Variants in RIGI observed in about 807,000 individuals in gnomAD.
RIGI encodes RNA sensor RIG-I, also known as antiviral innate immune response receptor RIG-I.
chr9:32,479,836 CA>C, the RIGI span, among the ~76,000 whole-genome samples: 18,174 of 111,540 alleles, frequency 0.16, 1,120 homozygotes, highest in Middle Eastern at 0.34. Flanking sequence ...GACTCCATCT[CA>C]AAAAAAAAAA....
the RIGI span, among the ~76,000 whole-genome samples, chr9:32,511,928 T>A: frequency 6.6e-5 from 10 of 152,088 alleles, no homozygotes; most frequent in African/African-American, 2.4e-4. Context: ...AAATACAAAC[T>A]ACCATCACAG....
At chr9:32,482,807 C>T in the RIGI span, among the ~76,000 whole-genome samples, 26 of 151,766 alleles carry the variant, frequency 1.7e-4, no homozygotes, top group African/African-American at 5.3e-4. Context: ...TGCAGTGAAC[C>T]GAGATCACGT....
At chr9:32,495,135 T>C in the RIGI span, among the ~76,000 whole-genome samples, 12 of 152,210 alleles carry the variant, frequency 7.9e-5, no homozygotes, top group Non-Finnish European at 1.6e-4. Flanking sequence ...CATTTTACAA[T>C]CCTACCAATC....
At chr9:32,460,320 T>G in the RIGI span, among the ~76,000 whole-genome samples, 1 of 152,184 alleles carries the variant, frequency 6.6e-6, no homozygotes, top group South Asian at 2.1e-4. Flanking sequence ...AAAACCTTTT[T>G]TCTCTCTCCC....
At chr9:32,458,804 C>G in the RIGI span, among the ~76,000 whole-genome samples, 1 of 151,976 alleles carries the variant, frequency 6.6e-6, no homozygotes, top group Non-Finnish European at 1.5e-5. Flanking sequence ...ATTATCTAAA[C>G]TACAGATTTT....
chr9:32,473,197 G>GA, the RIGI span: 3 of 429,964 alleles, frequency 7.0e-6, no homozygotes, highest in Non-Finnish European at 1.2e-5. Flanking sequence ...ACAAACCTGA[G>GA]AAAAAAAGCA....
the RIGI span, chr9:32,488,748 G>A: frequency 6.2e-7 from 1 of 1,608,612 alleles, no homozygotes; most frequent in South Asian, 1.1e-5. Flanking sequence ...GTCTTTCAAA[G>A]TATTTTGAGA....
chr9:32,478,040 G>A, the RIGI span, among the ~76,000 whole-genome samples: 20 of 151,740 alleles, frequency 1.3e-4, no homozygotes, highest in African/African-American at 4.1e-4. Context: ...CTGTTTTATC[G>A]GTTTTTGTTT....
chr9:32,480,394 C>CT, the RIGI span: 1 of 1,529,216 alleles, frequency 6.5e-7, no homozygotes, highest in South Asian at 1.3e-5. Flanking sequence ...CTTCCAATGT[C>CT]TAACACATTC....
chr9:32,486,135 G>A, the RIGI span, among the ~76,000 whole-genome samples: 129 of 152,258 alleles, frequency 8.5e-4, 2 homozygotes, highest in African/African-American at 3.0e-3. Context: ...CTAACTAACC[G>A]TAGCAGTTCT....
chr9:32,518,448 T>G, the RIGI span, among the ~76,000 whole-genome samples: 1 of 151,620 alleles, frequency 6.6e-6, no homozygotes, highest in East Asian at 1.9e-4. Context: ...TCTAAGCATA[T>G]CATAGATGGT....
the RIGI span, among the ~76,000 whole-genome samples, chr9:32,509,930 T>C: frequency 6.6e-6 from 1 of 151,750 alleles, no homozygotes; most frequent in East Asian, 1.9e-4. Context: ...CACGAGAACT[T>C]TGTGAAGCAT....
chr9:32,505,504 C>CTG, the RIGI span, among the ~76,000 whole-genome samples: 3 of 152,180 alleles, frequency 2.0e-5, no homozygotes, highest in African/African-American at 7.2e-5. Flanking sequence ...CTTCCTCACT[C>CTG]AAATCAGAGA....
chr9:32,486,917 C>T, the RIGI span, among the ~76,000 whole-genome samples: 4 of 152,200 alleles, frequency 2.6e-5, no homozygotes, highest in African/African-American at 4.8e-5. Context: ...GAAATACAGT[C>T]ACATACTACT....
chr9:32,516,963 G>A, the RIGI span, among the ~76,000 whole-genome samples: 1 of 152,182 alleles, frequency 6.6e-6, no homozygotes, highest in Non-Finnish European at 1.5e-5. Flanking sequence ...GATTGTATGT[G>A]TCAATATAGT....
At chr9:32,512,843 C>T in the RIGI span, among the ~76,000 whole-genome samples, 1 of 152,012 alleles carries the variant, frequency 6.6e-6, no homozygotes, top group South Asian at 2.1e-4. Flanking sequence ...CCCAAAATCT[C>T]CTTAAGCTGA....
chr9:32,481,033 GTATC>G, the RIGI span, among the ~76,000 whole-genome samples: 1 of 152,174 alleles, frequency 6.6e-6, no homozygotes, highest in African/African-American at 2.4e-5. Context: ...GACTGGTCTT[GTATC>G]TGGAATAATG....
the RIGI span, among the ~76,000 whole-genome samples, chr9:32,522,189 G>C: frequency 6.6e-6 from 1 of 151,772 alleles, no homozygotes; most frequent in Non-Finnish European, 1.5e-5. Flanking sequence ...AATTTTTTAT[G>C]GTTTTGTTTG....
At chr9:32,504,947 CATATATATT>C in the RIGI span, among the ~76,000 whole-genome samples, 7 of 101,758 alleles carry the variant, frequency 6.9e-5, no homozygotes, top group Non-Finnish European at 8.5e-5. Flanking sequence ...TATATTTAAA[CATATATATT>C]ATATATTTAT....
Sources: allele counts gnomAD v4.1 joint callset (sites outside exome capture counted in the v4.1 genomes callset), GRCh38; gene constraint gnomAD v4.1.1; transcripts MANE v1.5; gene names NCBI Gene and HGNC (gene_info 2026-07-23, HGNC 2026-07-21).